Variants in PSD2 observed in about 807,000 individuals in gnomAD.
The protein encoded by PSD2 is PH and SEC7 domain-containing protein 2.
PSD2 carries 38 observed loss-of-function variants against 69.8 expected under a neutral mutation model. That is an observed-to-expected ratio of 0.54 (90% CI 0.42 to 0.71). The LOEUF (loss-of-function observed/expected upper bound fraction) is 0.71, where lower values mean the gene tolerates loss of function less well. Ranked by LOEUF, PSD2 falls within the 30% of genes least tolerant of loss-of-function variation. The pLI is 0.00. For missense variants in PSD2, 943 were observed against 1,014.5 expected, an observed-to-expected ratio of 0.93 and a Z score of 0.96; for synonymous variants, 412 against 423.0, an observed-to-expected ratio of 0.97 and a Z score of 0.32.
At chr5:139,807,249 C>T (rs1759832153) in intron 1 of PSD2, among the ~76,000 whole-genome samples, 1 of 152,204 alleles carries the variant, frequency 6.6e-6, no homozygotes, top group Non-Finnish European at 1.5e-5. Context: ...CCCTGTGCCC[C>T]AGAGCCAATG....
the PSD2 span, among the ~76,000 whole-genome samples, chr5:139,758,075 T>C: frequency 1.3e-5 from 2 of 152,020 alleles, no homozygotes; most frequent in Non-Finnish European, 2.9e-5. Context: ...AAAAACCAAA[T>C]GGTTTCTTAG....
intron 7 of PSD2, among the ~76,000 whole-genome samples, chr5:139,827,137 G>A (rs2126955437): frequency 6.6e-6 from 1 of 152,348 alleles, no homozygotes; most frequent in Non-Finnish European, 1.5e-5. Context: ...CTGGGCTAGA[G>A]GTGGGGTCAT....
Position 139,842,795 on chromosome 5 carries a change from G to A in PSD2, c.*321G>A. The A allele has an allele frequency of 3.7e-6, 1 of 268,368 alleles. No individual in the cohort carries two copies. The highest frequency in any genetic ancestry group is 7.1e-6 in the Non-Finnish European group (1 of 140,780). 16.6% of individuals were successfully genotyped at this position (268,368 alleles called of 1,614,324 possible). A position where few individuals can be genotyped will look rare whatever the true frequency, so the allele number is the denominator to read the frequency against. On this transcript the variant is annotated 3_prime_UTR_variant, in exon 15 of 15. Coordinates refer to ENST00000274710, the MANE Select transcript of PSD2 (RefSeq NM_032289.4). ...GCTGGAAGGGCTGTTGTCTTCCCAG[G>A]TCTTTCTCTTCTCATCAAGCTCCTC...
the PSD2 span, among the ~76,000 whole-genome samples, chr5:139,765,978 T>C: frequency 1.1e-4 from 17 of 152,132 alleles, no homozygotes; most frequent in Non-Finnish European, 2.2e-4. Flanking sequence ...GTCCTCCTTT[T>C]TTGGGCCTGT....
intron 7 of PSD2, among the ~76,000 whole-genome samples, chr5:139,823,145 G>A (rs1049544614): frequency 2.0e-5 from 3 of 152,136 alleles, no homozygotes; most frequent in African/African-American, 7.2e-5. Context: ...CCAAATCCCC[G>A]GCCCCTACCA....
chr5:139,822,119 T>A, intron 6 of PSD2, 114 bp downstream of exon 6: 1 of 616,864 alleles, frequency 1.6e-6, no homozygotes, highest in South Asian at 2.1e-5. Flanking sequence ...CCAGATGGTT[T>A]GTCCTCTCTG....
intron 7 of PSD2, among the ~76,000 whole-genome samples, chr5:139,830,756 G>A (rs1250970497): frequency 1.4e-5 from 2 of 139,122 alleles, no homozygotes; most frequent in African/African-American, 5.4e-5. Flanking sequence ...CTGTGCTCAA[G>A]TGATCCTTCC....
Position 139,839,946 on chromosome 5 carries a change from C to A in PSD2, c.1969-81C>A. On this transcript the variant is annotated intron_variant, in intron 13 of 14. Transcript: ENST00000274710. The surrounding 1 kb of genome is among the most constrained non-coding windows in gnomAD (Gnocchi z 5.1). Reference sequence around the variant, plus strand: ...AGGCCTTCATTTCCCTTTGGTGGAGCAGCTCCTGGTAGAACAGGATTTGAG... The same window carrying A: ...AGGCCTTCATTTCCCTTTGGTGGAGAAGCTCCTGGTAGAACAGGATTTGAG... 1 of 1,499,970 alleles carries A rather than the reference C, an allele frequency of 6.7e-7. No individual in the cohort carries two copies. Among genetic ancestry groups the A allele is most frequent in the Non-Finnish European group, 9.2e-7 (1 of 1,089,466 alleles). The allele number at this position is 1,499,970 out of a possible 1,614,324, so 92.9% of individuals were successfully genotyped here.
In PSD2 at chr5:139,813,460, A is replaced by G. The variant is rs376229853; in HGVS notation, c.523A>G (p.Ser175Gly). The part of the protein sequence containing the change: ...SLTDESDSCV[S>G]FEAPLTPLIQ... ...CACGGATGAGAGCGACAGCTGCGTC[A>G]GCTTCGAGGCCCCCCTCACACCCCT... Residue 175 changes from serine to glycine, a missense_variant, in exon 3 of 15, where the codon AGC becomes GGC. Ser to Gly is a moderately conservative substitution (Grantham distance 56). Coordinates refer to ENST00000274710, the MANE Select transcript of PSD2 (RefSeq NM_032289.4). The G allele has an allele frequency of 1.3e-5, 21 of 1,613,902 alleles. No individual in the cohort carries two copies. Among genetic ancestry groups the G allele is most frequent in the Middle Eastern group, 1.6e-4 (1 of 6,082 alleles).
At chr5:139,773,777 T>G in the PSD2 span, among the ~76,000 whole-genome samples, 1 of 152,206 alleles carries the variant, frequency 6.6e-6, no homozygotes, top group Non-Finnish European at 1.5e-5. Context: ...CTGTTATGAA[T>G]GTAGGGGTAT....
In PSD2 at chr5:139,814,498, C is replaced by T; in HGVS notation, c.1016+134C>T. ...TCCCAACAGTTCCCCAAGGACACCT[C>T]CTCCCGCCACTGTCCTCATTCCTGG... On this transcript the variant is annotated intron_variant, in intron 4 of 14. Transcript: ENST00000274710. The surrounding 1 kb of genome is among the most constrained non-coding windows in gnomAD (Gnocchi z 4.4). 1 of 738,244 alleles carries T rather than the reference C, an allele frequency of 1.4e-6. No individual in the cohort carries two copies. Among genetic ancestry groups the T allele is most frequent in the Non-Finnish European group, 2.1e-6 (1 of 481,518 alleles). 45.7% of individuals were successfully genotyped at this position (738,244 alleles called of 1,614,324 possible). A position where few individuals can be genotyped will look rare whatever the true frequency, so the allele number is the denominator to read the frequency against.
chr5:139,753,070 T>C, the PSD2 span, among the ~76,000 whole-genome samples: 2 of 152,206 alleles, frequency 1.3e-5, no homozygotes, highest in South Asian at 4.1e-4. Context: ...CAAGAAGTTA[T>C]GACTCAACCC....
At chr5:139,815,871 G>A (rs1438418885) in intron 4 of PSD2, among the ~76,000 whole-genome samples, 2 of 151,814 alleles carry the variant, frequency 1.3e-5, no homozygotes, top group African/African-American at 4.8e-5. Flanking sequence ...GTGGTTGCCT[G>A]TAATCCCAGC....
At chr5:139,754,497 C>T in the PSD2 span, among the ~76,000 whole-genome samples, 1 of 151,644 alleles carries the variant, frequency 6.6e-6, no homozygotes, top group East Asian at 2.0e-4. Flanking sequence ...GTTCGAGCTC[C>T]AGCCTGGGCA....
intron 1 of PSD2, among the ~76,000 whole-genome samples, chr5:139,802,144 G>C (rs1759688872): frequency 6.6e-6 from 1 of 151,468 alleles, no homozygotes; most frequent in Non-Finnish European, 1.5e-5. Context: ...GACTCGCCTG[G>C]GGAGAGATGA....
chr5:139,764,800 C>T, the PSD2 span, among the ~76,000 whole-genome samples: 3 of 152,176 alleles, frequency 2.0e-5, no homozygotes, highest in Non-Finnish European at 4.4e-5. Flanking sequence ...TAGAGCCTGT[C>T]CTCTGTCTAT....
At chr5:139,788,176 CG>C in the PSD2 span, among the ~76,000 whole-genome samples, 233 of 93,976 alleles carry the variant, frequency 2.5e-3, no homozygotes, top group East Asian at 6.2e-3. Context: ...CCGCCCCCCC[CG>C]CGCCCCCCCC....
chr5:139,816,423 C>T (rs1760123393), intron 4 of PSD2, among the ~76,000 whole-genome samples: 1 of 152,226 alleles, frequency 6.6e-6, no homozygotes, highest in Non-Finnish European at 1.5e-5. Flanking sequence ...TAACCAACAA[C>T]AGTTCTGCAG....
At chr5:139,743,037 A>C in the PSD2 span, among the ~76,000 whole-genome samples, 1 of 152,316 alleles carries the variant, frequency 6.6e-6, no homozygotes, top group African/African-American at 2.4e-5. Context: ...ACACTGTCAG[A>C]TTATTTCGGT....
Sources: gnomAD v4.1 joint callset for allele counts (sites outside exome capture counted in the v4.1 genomes callset) on GRCh38, gnomAD v4.1.1 for gene constraint, Gnocchi (gnomAD v3.1) non-coding constraint, MANE v1.5 for transcripts, NCBI Gene and HGNC (gene_info 2026-07-23, HGNC 2026-07-21) for gene names.